Variants in CELSR1 observed in about 807,000 individuals in gnomAD.
The protein encoded by CELSR1 is cadherin EGF LAG seven-pass G-type receptor 1.
Under a neutral mutation model 249.1 loss-of-function variants are expected in CELSR1, and 110 were observed. That is an observed-to-expected ratio of 0.44 (90% CI 0.38 to 0.52). The LOEUF (loss-of-function observed/expected upper bound fraction) is 0.52. CELSR1 is among the 20% of genes least tolerant of loss of function. CELSR1 has a pLI of 0.00. For synonymous variants in CELSR1, 2,113 were observed against 1,900.0 expected (o/e 1.11, Z -2.92); for missense variants, 4,109 against 4,296.4 (o/e 0.96, Z 1.22).
chr22:46,507,293 T>TG (rs1196795404), intron 1 of CELSR1, among the ~76,000 whole-genome samples: 1 of 152,072 alleles, frequency 6.6e-6, no homozygotes, highest in Non-Finnish European at 1.5e-5. Flanking sequence ...AAGCCACGGC[T>TG]GGGGGGCCTC....
chr22:46,417,932 A>AC lies in CELSR1; in HGVS notation c.4612-6174dup, dbSNP rs2079422165. Among the ~76,000 whole-genome samples, 1 of 152,148 alleles carries AC rather than the reference A, an allele frequency of 6.6e-6. No individual in the cohort carries two copies. Among genetic ancestry groups the AC allele is most frequent in the Admixed American group, 6.5e-5 (1 of 15,278 alleles). The stretch of plus-strand genomic sequence containing the variant: ...GTGTCCACAGCATCCAATGGACATC[A>AC]CCTCCTTAAAGCCAAGGGTCCATAT... On this transcript the variant is annotated intron_variant, in intron 5 of 34. Transcript: ENST00000674500. The surrounding 1 kb of genome is among the most constrained non-coding windows in gnomAD (Gnocchi z 4.1).
intron 1 of CELSR1, among the ~76,000 whole-genome samples, chr22:46,520,878 C>T (rs943674568): frequency 6.6e-6 from 1 of 152,130 alleles, no homozygotes; most frequent in Non-Finnish European, 1.5e-5. Context: ...CCCCATTAAA[C>T]GCAACTCCTG....
In CELSR1 at chr22:46,500,882, T is replaced by C. The variant is rs2080459683; in HGVS notation, c.3544+32745A>G. On this transcript the variant is annotated intron_variant, in intron 1 of 34. Transcript: ENST00000674500. This position sits in a 1 kb window ranked among gnomAD's most constrained non-coding sequence, Gnocchi z 4.9. The stretch of plus-strand genomic sequence containing the variant: ...AGAGCTGTCCTTGTAAGCACGCCCA[T>C]GATGGGACCCGAAAATCAGCCCATT... Among the ~76,000 whole-genome samples, 1 of 152,216 alleles carries C rather than the reference T, an allele frequency of 6.6e-6. No homozygotes were observed. Among genetic ancestry groups the C allele is most frequent in the East Asian group, 1.9e-4 (1 of 5,176 alleles).
In CELSR1 at chr22:46,402,759, G is replaced by C. The variant is rs999726035; in HGVS notation, c.5227-2857C>G. On this transcript the variant is annotated intron_variant, in intron 9 of 34. Coordinates refer to ENST00000674500, the MANE Select transcript of CELSR1 (RefSeq NM_001378328.1). The surrounding 1 kb of genome is among the most constrained non-coding windows in gnomAD (Gnocchi z 5.0). ...TACTTCTGGGTGTAGGTGTTACAGAGATAAGGGTCAAACGGCCATGTTTAA... is the reference window on the plus strand; with the variant it reads ...TACTTCTGGGTGTAGGTGTTACAGACATAAGGGTCAAACGGCCATGTTTAA... Among the ~76,000 whole-genome samples, 2 of 152,132 alleles carry C rather than the reference G, an allele frequency of 1.3e-5. No homozygotes were observed. Among genetic ancestry groups the C allele is most frequent in the South Asian group, 4.1e-4 (2 of 4,824 alleles).
chr22:46,394,404 A>G (rs2079126948), intron 13 of CELSR1, 142 bp from the exon 14 acceptor site: 2 of 943,076 alleles, frequency 2.1e-6, no homozygotes, highest in Non-Finnish European at 3.1e-6. Flanking sequence ...TCCACGTTAC[A>G]TGGCCTCAGT....
rs527573754 is a variant in CELSR1 at position 46,393,737 on chromosome 22, CAA to C, written c.5964+403_5964+404del. 4.7e-4 allele frequency among the ~76,000 whole-genome samples: 36 copies of C among 76,518 alleles called. No individual in the cohort carries two copies. The highest frequency in any genetic ancestry group is 3.5e-4 in the African/African-American group (7 of 20,266). 50.2% of individuals were successfully genotyped at this position (76,518 alleles called of 152,430 possible). ...TGGGCGACACAGCGAGACTCTGTCT[CAA>C]AAAAAAAAAAAAAAAGACCAGGAAA... On this transcript the variant is annotated intron_variant, in intron 14 of 34. Transcript: ENST00000674500. This position sits in a 1 kb window ranked among gnomAD's most constrained non-coding sequence, Gnocchi z 4.1.
chr22:46,367,634 G>C, intron 28 of CELSR1, 95 bp downstream of exon 28: 2 of 1,500,080 alleles, frequency 1.3e-6, no homozygotes, highest in Non-Finnish European at 1.8e-6. Flanking sequence ...GGCAGGGCTG[G>C]TTTGGGACCG....
intron 3 of CELSR1, among the ~76,000 whole-genome samples, chr22:46,438,318 G>A (rs968083421): frequency 3.3e-5 from 5 of 152,014 alleles, no homozygotes; most frequent in Non-Finnish European, 5.9e-5. Flanking sequence ...GAGGAGAAGG[G>A]GCTATGAAAG....
chr22:46,511,117 A>AAC (rs10694625), intron 1 of CELSR1, among the ~76,000 whole-genome samples: 109,125 of 149,734 alleles, frequency 0.73, 40,142 homozygotes, highest in South Asian at 0.79. Context: ...TCGTCTCAAA[A>AAC]ACACACACAC....
chr22:46,438,286 C>G (rs2079690259), intron 3 of CELSR1, among the ~76,000 whole-genome samples: 1 of 152,124 alleles, frequency 6.6e-6, no homozygotes, highest in African/African-American at 2.4e-5. Flanking sequence ...AGCCTGGACA[C>G]TTGGCAAAGA....
intron 25 of CELSR1, chr22:46,370,151 C>A: frequency 2.1e-6 from 1 of 469,170 alleles, no homozygotes; most frequent in South Asian, 1.5e-5. Context: ...GAGGACCCTG[C>A]CAGCTGGGCC....
intron 1 of CELSR1, among the ~76,000 whole-genome samples, chr22:46,505,857 A>G (rs2080509604): frequency 1.3e-5 from 2 of 152,114 alleles, no homozygotes; most frequent in Admixed American, 1.3e-4. Context: ...AAATAAATCT[A>G]TTCTACCCAT....
Position 46,448,990 on chromosome 22 carries a change from C to A in CELSR1, c.4184-9579G>T, listed in dbSNP as rs1367884143. ...ATGATAAAACACCACACGAATTTGC[C>A]CATCTGTTATTCCATTCACTCATCT... is the stretch of plus-strand genomic sequence containing the variant. On this transcript the variant is annotated intron_variant, in intron 2 of 34. Coordinates refer to ENST00000674500, the MANE Select transcript of CELSR1 (RefSeq NM_001378328.1). The surrounding 1 kb of genome is among the most constrained non-coding windows in gnomAD (Gnocchi z 5.7). Among the ~76,000 whole-genome samples, 2 of 152,050 alleles carry A rather than the reference C, an allele frequency of 1.3e-5. No homozygotes were observed. Among genetic ancestry groups the A allele is most frequent in the Admixed American group, 1.3e-4 (2 of 15,264 alleles).
chr22:46,516,911 CT>C (rs2080633867), intron 1 of CELSR1, among the ~76,000 whole-genome samples: 1 of 152,238 alleles, frequency 6.6e-6, no homozygotes, highest in South Asian at 2.1e-4. Context: ...CTGACCCCCA[CT>C]GACCCATGCC....
rs1401969538 is a variant in CELSR1, at chr22:46,396,771, C to T, written c.5702-25G>A. 6.2e-7 allele frequency: 1 copy of T among 1,607,130 alleles called. No individual in the cohort carries two copies. Reference sequence around the variant, plus strand: ...CCTGCAAGGACAGAGCCAGCATTACCTCCACCCACAATCCACGAGACCTTC... The same window carrying T: ...CCTGCAAGGACAGAGCCAGCATTACTTCCACCCACAATCCACGAGACCTTC... On this transcript the variant is annotated intron_variant, in intron 12 of 34. Transcript: ENST00000674500. This position sits in a 1 kb window ranked among gnomAD's most constrained non-coding sequence, Gnocchi z 6.4.
In CELSR1 at chr22:46,390,240, G is replaced by A; in HGVS notation, c.6345+152C>T. ...CCCCGAAGTCCACAGGAACCTGCTG[G>A]CTCCAGGCTGCGGGCCCGTGGGGCT... On this transcript the variant is annotated intron_variant, in intron 17 of 34. Coordinates refer to ENST00000674500, the MANE Select transcript of CELSR1 (RefSeq NM_001378328.1). The surrounding 1 kb of genome is among the most constrained non-coding windows in gnomAD (Gnocchi z 6.3). The A allele has an allele frequency of 1.7e-6, 1 of 589,790 alleles. No homozygotes were observed. The highest frequency in any genetic ancestry group is 3.4e-5 in the Admixed American group (1 of 29,670). The allele number at this position is 589,790 out of a possible 1,614,324, so 36.5% of individuals were successfully genotyped here.
At chr22:46,525,961 T>C (rs5768892) in intron 1 of CELSR1, among the ~76,000 whole-genome samples, 52,626 of 152,172 alleles carry the variant, frequency 0.35, 10,159 homozygotes, top group African/African-American at 0.52. Flanking sequence ...GCCCAGGGCT[T>C]TGGGAACTTG....
intron 14 of CELSR1, among the ~76,000 whole-genome samples, chr22:46,392,938 T>C (rs1357750727): frequency 6.6e-6 from 1 of 152,136 alleles, no homozygotes; most frequent in Non-Finnish European, 1.5e-5. Flanking sequence ...TGCCACCCAC[T>C]ATGCCACCAC....
Position 46,370,809 on chromosome 22 carries a change from C to T in CELSR1, c.7760-1005G>A, listed in dbSNP as rs9627429. Among the ~76,000 whole-genome samples the T allele has an allele frequency of 8.1e-3, 1,235 of 152,344 alleles. 13 individuals carry two copies. Among genetic ancestry groups the T allele is most frequent in the African/African-American group, 0.027 (1,129 of 41,578 alleles). ...GGCCGGGGGAGGCAGCAGCCAGTGA[C>T]CAGTGCCTGCAGCTCAGTCTGAGGC... On this transcript the variant is annotated intron_variant, in intron 25 of 34. Transcript: ENST00000674500.
Sources: gnomAD v4.1 joint callset for allele counts (sites outside exome capture counted in the v4.1 genomes callset) on GRCh38, gnomAD v4.1.1 for gene constraint, Gnocchi (gnomAD v3.1) non-coding constraint, MANE v1.5 for transcripts, NCBI Gene and HGNC (gene_info 2026-07-23, HGNC 2026-07-21) for gene names.